The following HPSE2 variants were observed in gnomAD, a reference collection of about 807,000 sequenced individuals.
HPSE2 encodes the protein heparanase 2 (inactive).
In HPSE2, 38 loss-of-function variants were observed where a neutral mutation model predicts 60.5. The observed-to-expected ratio is 0.63, with a 90% CI of 0.48 to 0.82. The LOEUF is 0.82. Among genes scored for constraint, HPSE2 ranks in the 40% least tolerant of loss-of-function variants. HPSE2 has a pLI of 0.00. For missense variants in HPSE2, 713 were observed against 740.4 expected (o/e 0.96, Z 0.43); for synonymous variants, 295 against 293.2 (o/e 1.01, Z -0.06).
chr10:99,205,202 C>T (rs1252891554), intron 2 of HPSE2, among the ~76,000 whole-genome samples: 1 of 151,976 alleles, frequency 6.6e-6, no homozygotes, highest in African/African-American at 2.4e-5. Flanking sequence ...TGTAACATGC[C>T]CATGTAACAA....
At chr10:99,005,940 G>A (rs1956881767) in intron 3 of HPSE2, among the ~76,000 whole-genome samples, 1 of 152,170 alleles carries the variant, frequency 6.6e-6, no homozygotes, top group Admixed American at 6.5e-5. Flanking sequence ...CAGCAGGTGG[G>A]TGGGCCTGGA....
At chr10:98,637,468 A>G (rs1328283395) in intron 7 of HPSE2, among the ~76,000 whole-genome samples, 2 of 152,248 alleles carry the variant, frequency 1.3e-5, no homozygotes, top group African/African-American at 4.8e-5. Flanking sequence ...ATTCAATAAC[A>G]ATGAACAAAA....
At chr10:98,811,176 T>C (rs1171470093) in intron 3 of HPSE2, among the ~76,000 whole-genome samples, 1 of 152,090 alleles carries the variant, frequency 6.6e-6, no homozygotes, top group Non-Finnish European at 1.5e-5. Context: ...AACTCTACCA[T>C]TTACAGCTCA....
At position 99,232,361 on chromosome 10, in the gene HPSE2, T is replaced by C. The variant is rs1348190029; in HGVS notation, c.435A>G (p.Lys145=). 1 of 1,551,624 alleles carries C rather than the reference T, an allele frequency of 6.4e-7. No homozygotes were observed. Among genetic ancestry groups the C allele is most frequent in the South Asian group, 1.2e-5 (1 of 84,062 alleles). Residue 145 remains lysine (K), a synonymous_variant, in exon 2 of 12, where the codon AAA becomes AAG. Coordinates refer to ENST00000370552, the MANE Select transcript of HPSE2 (RefSeq NM_021828.5). ...RGGPGPDYYL[K]NYEDDIVRSD... ...CAAGTTTCTCACCATCCTCATAGTT[T>C]TTGAGATAGTAATCCGGGCCCGGGC...
At chr10:99,067,812 T>C (rs1052743469) in intron 3 of HPSE2, among the ~76,000 whole-genome samples, 1 of 152,260 alleles carries the variant, frequency 6.6e-6, no homozygotes, top group Non-Finnish European at 1.5e-5. Flanking sequence ...TTGTTAATTA[T>C]GCAAATTTCT....
chr10:98,545,236 C>G (rs1310789742), intron 9 of HPSE2, among the ~76,000 whole-genome samples: 1 of 151,936 alleles, frequency 6.6e-6, no homozygotes, highest in African/African-American at 2.4e-5. Flanking sequence ...CAAGGAGGAA[C>G]TGGTACCATT....
intron 7 of HPSE2, among the ~76,000 whole-genome samples, chr10:98,635,224 A>G (rs1230295358): frequency 6.6e-6 from 1 of 152,250 alleles, no homozygotes; most frequent in Non-Finnish European, 1.5e-5. Context: ...ACTATAAAGA[A>G]GATAGTAAGA....
chr10:98,896,879 C>G (rs199659017), intron 3 of HPSE2, among the ~76,000 whole-genome samples: 1 of 152,090 alleles, frequency 6.6e-6, no homozygotes, highest in African/African-American at 2.4e-5. Flanking sequence ...TCAGAAGACA[C>G]AAATTAACAA....
chr10:98,507,331 T>C (rs1485989282), intron 9 of HPSE2, among the ~76,000 whole-genome samples: 3 of 152,222 alleles, frequency 2.0e-5, no homozygotes, highest in Non-Finnish European at 4.4e-5. Context: ...ATAATATATT[T>C]AAAACATAAT....
chr10:98,876,902 T>C (rs1187909881), intron 3 of HPSE2, among the ~76,000 whole-genome samples: 1 of 151,924 alleles, frequency 6.6e-6, no homozygotes, highest in Non-Finnish European at 1.5e-5. Context: ...AACCAATAGA[T>C]GACTATTTAC....
rs543401896 is a variant in HPSE2 at position 99,152,850 on chromosome 10, T to C, written c.449-8451A>G. Among the ~76,000 whole-genome samples, 4 of 152,298 alleles carry C rather than the reference T, an allele frequency of 2.6e-5. No homozygotes were observed. The East Asian group carries it at 5.8e-4, about 22-fold the overall frequency. ...TTCCATCTGAGGTACCGGGTTCACC[T>C]CACTAGGGAGTGCCAGACAGTGGGC... On this transcript the variant is annotated intron_variant, in intron 2 of 11. Transcript: ENST00000370552.
intron 3 of HPSE2, among the ~76,000 whole-genome samples, chr10:98,871,036 T>C (rs1208609385): frequency 6.6e-6 from 1 of 151,970 alleles, no homozygotes; most frequent in Non-Finnish European, 1.5e-5. Context: ...TCTGCCATGA[T>C]TGTAAGCTTC....
chr10:98,930,321 C>T (rs1231163495), intron 3 of HPSE2, among the ~76,000 whole-genome samples: 1 of 143,914 alleles, frequency 6.9e-6, no homozygotes, highest in African/African-American at 2.8e-5. Context: ...GATTTCATTA[C>T]CTTTTATGGC....
chr10:99,071,495 T>G (rs1842789827), intron 3 of HPSE2, among the ~76,000 whole-genome samples: 1 of 152,248 alleles, frequency 6.6e-6, no homozygotes, highest in Non-Finnish European at 1.5e-5. Flanking sequence ...AATCTTTTGT[T>G]TGTTTTATAA....
At chr10:98,794,849 T>C (rs942618496) in intron 3 of HPSE2, among the ~76,000 whole-genome samples, 1 of 151,996 alleles carries the variant, frequency 6.6e-6, no homozygotes, top group Non-Finnish European at 1.5e-5. Context: ...CTTTAAACGA[T>C]TGCAAAAATA....
intron 5 of HPSE2, among the ~76,000 whole-genome samples, chr10:98,719,701 T>TG (rs1326994359): frequency 9.3e-6 from 1 of 107,278 alleles, no homozygotes; most frequent in Admixed American, 1.0e-4. Context: ...GATGTTGCAT[T>TG]AAAAAAAAAA....
At chr10:99,045,792 T>C (rs1451514689) in intron 3 of HPSE2, among the ~76,000 whole-genome samples, 2 of 152,092 alleles carry the variant, frequency 1.3e-5, no homozygotes, top group African/African-American at 4.8e-5. Flanking sequence ...CAGGAAGAGA[T>C]TGAAACCCTG....
intron 3 of HPSE2, among the ~76,000 whole-genome samples, chr10:99,057,897 G>T (rs1958150226): frequency 7.7e-6 from 1 of 129,718 alleles, no homozygotes; most frequent in South Asian, 2.9e-4. Context: ...CAAGACAAGT[G>T]AACGCTGAAT....
Position 98,486,856 on chromosome 10 carries a change from A to G in HPSE2, c.1466+3195T>C, listed in dbSNP as rs965103360. Among the ~76,000 whole-genome samples, 5 of 152,258 alleles carry G rather than the reference A, an allele frequency of 3.3e-5. No homozygotes were observed. In the South Asian group the frequency reaches 8.3e-4, roughly 25 times the overall value. On this transcript the variant is annotated intron_variant, in intron 10 of 11. Coordinates refer to ENST00000370552, the MANE Select transcript of HPSE2 (RefSeq NM_021828.5). ...TCCCTTAATTTCAAAGCCCCTGTGTATTTTAAGGGAAATTTAATCCACATG... is the reference window on the plus strand; with the variant it reads ...TCCCTTAATTTCAAAGCCCCTGTGTGTTTTAAGGGAAATTTAATCCACATG...
Sources: gnomAD v4.1 joint callset for allele counts (sites outside exome capture counted in the v4.1 genomes callset) on GRCh38, gnomAD v4.1.1 for gene constraint, MANE v1.5 for transcripts, NCBI Gene and HGNC (gene_info 2026-07-23, HGNC 2026-07-21) for gene names.